TTC28: variants seen among roughly 807,000 people sequenced by gnomAD.
The protein encoded by TTC28 is tetratricopeptide repeat protein 28.
TTC28 carries 61 observed loss-of-function variants against 198.0 expected under a neutral mutation model. The observed-to-expected ratio is 0.31, with a 90% CI of 0.25 to 0.38. The LOEUF (loss-of-function observed/expected upper bound fraction) is 0.38. Ranked by LOEUF, TTC28 falls within the 10% of genes least tolerant of loss-of-function variation. The pLI, the probability that TTC28 is intolerant of heterozygous loss-of-function variation, is 1.00. For synonymous variants in TTC28, 1,171 were observed against 1,297.8 expected (o/e 0.90, Z 2.10); for missense variants, 2,678 against 3,164.0 (o/e 0.85, Z 3.69).
At chr22:28,547,353 T>G (rs1212024714) in intron 2 of TTC28, among the ~76,000 whole-genome samples, 6 of 152,120 alleles carry the variant, frequency 3.9e-5, no homozygotes, top group Non-Finnish European at 8.8e-5. Flanking sequence ...CAAAGATTCA[T>G]TTAAGCACGA....
At position 27,998,606 on chromosome 22, in the gene TTC28, C is replaced by A; in HGVS notation, c.5053G>T (p.Ala1685Ser). Reference protein sequence around the residue: ...SLLNGLKASAALGEAMKVVQS... With the variant: ...SLLNGLKASASLGEAMKVVQS... ...ACCACCTTCATGGCCTCCCCCAGGGCGGCGCTGGCTTTCAGGCCGTTCAGC... is the reference window on the plus strand; with the variant it reads ...ACCACCTTCATGGCCTCCCCCAGGGAGGCGCTGGCTTTCAGGCCGTTCAGC... Residue 1685 changes from alanine (A) to serine (S), a missense_variant, in exon 16 of 23, where the codon GCC becomes TCC. By Grantham distance (99) the Ala-to-Ser change is moderately conservative. Transcript: ENST00000397906. The A allele has an allele frequency of 1.3e-6, 2 of 1,550,798 alleles. No individual in the cohort carries two copies. The highest frequency in any genetic ancestry group is 4.9e-5 in the East Asian group (2 of 40,906).
chr22:28,362,809 C>G (rs1286011527), intron 2 of TTC28, among the ~76,000 whole-genome samples: 2 of 152,040 alleles, frequency 1.3e-5, no homozygotes, highest in Non-Finnish European at 2.9e-5. Flanking sequence ...GAACTTTGAA[C>G]TTAAGAGGGA....
chr22:28,522,105 G>T (rs374645573), intron 2 of TTC28, among the ~76,000 whole-genome samples: 1 of 152,100 alleles, frequency 6.6e-6, no homozygotes, highest in Non-Finnish European at 1.5e-5. Context: ...AGACAACTAT[G>T]AGCAAAAAAC....
At chr22:28,422,724 C>T (rs1027003075) in intron 2 of TTC28, among the ~76,000 whole-genome samples, 3 of 152,002 alleles carry the variant, frequency 2.0e-5, no homozygotes, top group South Asian at 2.1e-4. Flanking sequence ...GGATTACAGG[C>T]GTGAGCCACC....
At chr22:28,337,255 G>T (rs1198895772) in intron 2 of TTC28, among the ~76,000 whole-genome samples, 1 of 152,076 alleles carries the variant, frequency 6.6e-6, no homozygotes, top group Non-Finnish European at 1.5e-5. Context: ...GTGCTTTACT[G>T]CCAACTATGT....
intron 2 of TTC28, among the ~76,000 whole-genome samples, chr22:28,496,425 TC>T: frequency 6.6e-6 from 1 of 152,162 alleles, no homozygotes. Context: ...AAAAGCCCAT[TC>T]CTCCAATTAT....
chr22:28,508,704 C>G (rs568349573), intron 2 of TTC28, among the ~76,000 whole-genome samples: 1 of 152,214 alleles, frequency 6.6e-6, no homozygotes, highest in Non-Finnish European at 1.5e-5. Context: ...TGCACCAATA[C>G]AGGAGTATCC....
chr22:28,253,842 C>A (rs770877570), intron 5 of TTC28, among the ~76,000 whole-genome samples: 4 of 151,978 alleles, frequency 2.6e-5, no homozygotes, highest in Admixed American at 1.3e-4. Context: ...CAGTGGCTCA[C>A]GCCTGTAATC....
At chr22:28,518,818 T>C (rs2048842244) in intron 2 of TTC28, among the ~76,000 whole-genome samples, 1 of 152,190 alleles carries the variant, frequency 6.6e-6, no homozygotes, top group African/African-American at 2.4e-5. Flanking sequence ...TCATGACTAA[T>C]ATGCTGTACT....
intron 2 of TTC28, among the ~76,000 whole-genome samples, chr22:28,508,474 G>T (rs902919404): frequency 1.3e-5 from 2 of 151,930 alleles, no homozygotes; most frequent in African/African-American, 4.8e-5. Context: ...TAGTAGAGAC[G>T]GGGTTTCACC....
chr22:28,331,952 G>A (rs1472546831), intron 2 of TTC28, among the ~76,000 whole-genome samples: 1 of 152,046 alleles, frequency 6.6e-6, no homozygotes, highest in Admixed American at 6.6e-5. Context: ...ATGAAACTTG[G>A]TTGCATCAAC....
intron 2 of TTC28, among the ~76,000 whole-genome samples, chr22:28,459,563 C>T (rs1202108139): frequency 6.6e-6 from 1 of 152,204 alleles, no homozygotes; most frequent in Non-Finnish European, 1.5e-5. Flanking sequence ...CAGGTCAAAG[C>T]CACCCACATC....
chr22:28,106,758 C>T (rs749767189), intron 7 of TTC28, among the ~76,000 whole-genome samples: 1 of 152,176 alleles, frequency 6.6e-6, no homozygotes, highest in Non-Finnish European at 1.5e-5. Flanking sequence ...CCTTCTCATT[C>T]TAATGTAGTC....
At chr22:28,056,800 T>C (rs1466832968) in intron 12 of TTC28, among the ~76,000 whole-genome samples, 3 of 152,318 alleles carry the variant, frequency 2.0e-5, no homozygotes, top group African/African-American at 7.2e-5. Flanking sequence ...CCAGTTAATT[T>C]TTACCCCAGC....
intron 2 of TTC28, among the ~76,000 whole-genome samples, chr22:28,357,824 C>T (rs2046101781): frequency 6.6e-6 from 1 of 152,120 alleles, no homozygotes; most frequent in South Asian, 2.1e-4. Flanking sequence ...GGGTGAGTCA[C>T]AAAGGACTCC....
In TTC28 at chr22:28,005,983, G is replaced by A. The variant is rs188899443; in HGVS notation, c.4219-4430C>T. Among the ~76,000 whole-genome samples the A allele has an allele frequency of 1.4e-4, 21 of 152,292 alleles. No homozygotes were observed. The East Asian group carries it at 2.7e-3, about 20-fold the overall frequency. On this transcript the variant is annotated intron_variant, in intron 14 of 22. Coordinates refer to ENST00000397906, the MANE Select transcript of TTC28 (RefSeq NM_001145418.2). The surrounding 1 kb of genome is among the most constrained non-coding windows in gnomAD (Gnocchi z 4.9). ...TAATAGTTCTCAATACTAAACATCC[G>A]TGGTTAGTCTACGGTGTGGTTTCTG...
At chr22:28,365,886 A>T (rs530750787) in intron 2 of TTC28, among the ~76,000 whole-genome samples, 17 of 152,250 alleles carry the variant, frequency 1.1e-4, no homozygotes, top group South Asian at 4.2e-4. Flanking sequence ...TAGGAATTTT[A>T]AAAAAATGAT....
chr22:28,532,377 T>C (rs757091363), intron 2 of TTC28, among the ~76,000 whole-genome samples: 37 of 152,258 alleles, frequency 2.4e-4, no homozygotes, highest in Non-Finnish European at 1.3e-4. Context: ...AATCCCTGAA[T>C]ACACCAATAA....
intron 12 of TTC28, among the ~76,000 whole-genome samples, chr22:28,037,938 A>T (rs1939436252): frequency 1.3e-5 from 2 of 152,230 alleles, no homozygotes; most frequent in Non-Finnish European, 2.9e-5. Flanking sequence ...AGAGAATAAA[A>T]TACCTAGGAA....
Sources: allele counts gnomAD v4.1 joint callset (sites outside exome capture counted in the v4.1 genomes callset), GRCh38; gene constraint gnomAD v4.1.1; non-coding constraint Gnocchi (gnomAD v3.1); transcripts MANE v1.5; gene names NCBI Gene and HGNC (gene_info 2026-07-23, HGNC 2026-07-21).